FAF1: variants seen among roughly 807,000 people sequenced by gnomAD.
FAF1 encodes FAS-associated factor 1.
A neutral mutation model predicts 92.5 loss-of-function variants in FAF1; 25 were observed. That is an observed-to-expected ratio of 0.27 (90% CI 0.20 to 0.38). The LOEUF (loss-of-function observed/expected upper bound fraction) is 0.38, where lower values mean the gene tolerates loss of function less well. FAF1 is among the 10% of genes least tolerant of loss of function. The probability of loss-of-function intolerance (pLI) is 1.00; values close to 1 mark genes in which losing one functional copy is unlikely to be tolerated. For missense variants in FAF1, 636 were observed against 793.3 expected, an observed-to-expected ratio of 0.80 and a Z score of 2.38; for synonymous variants, 234 against 273.2, an observed-to-expected ratio of 0.86 and a Z score of 1.42.
intron 4 of FAF1, among the ~76,000 whole-genome samples, chr1:50,777,981 T>C (rs1057415560): frequency 1.3e-5 from 2 of 152,220 alleles, no homozygotes; most frequent in East Asian, 3.8e-4. Context: ...AGAATGTTTA[T>C]GTATGCCAAA....
rs150367789 is a variant in FAF1, at chr1:50,486,702, C to T, written c.1653+3886G>A. Among the ~76,000 whole-genome samples the T allele has an allele frequency of 2.6e-5, 4 of 152,232 alleles. No individual in the cohort carries two copies. The East Asian group carries it at 7.7e-4, about 29-fold the overall frequency. ...CCCTCTTGCATTAGACAGTAAGCTC[C>T]TTGAGGGCTGGACTATGCCTCGCAC... On this transcript the variant is annotated intron_variant, in intron 17 of 18. Coordinates refer to ENST00000396153, the MANE Select transcript of FAF1 (RefSeq NM_007051.3).
chr1:50,738,686 G>A (rs548121732), intron 6 of FAF1, among the ~76,000 whole-genome samples, 177 bp downstream of exon 6: 3 of 152,230 alleles, frequency 2.0e-5, no homozygotes, highest in African/African-American at 4.8e-5. Flanking sequence ...GGACTATACC[G>A]TTAAAACAAA....
intron 6 of FAF1, among the ~76,000 whole-genome samples, chr1:50,717,040 C>T (rs939417995): frequency 6.6e-6 from 1 of 152,324 alleles, no homozygotes; most frequent in African/African-American, 2.4e-5. Context: ...ATTCCGTACA[C>T]ATCTGAAGGA....
At chr1:50,773,132 T>A (rs1358523335) in intron 4 of FAF1, among the ~76,000 whole-genome samples, 1 of 152,200 alleles carries the variant, frequency 6.6e-6, no homozygotes, top group East Asian at 1.9e-4. Context: ...ATTATAAATA[T>A]GTGAGTATTT....
chr1:50,806,060 C>T (rs941973220), intron 2 of FAF1, among the ~76,000 whole-genome samples: 4 of 151,682 alleles, frequency 2.6e-5, no homozygotes, highest in African/African-American at 9.7e-5. Context: ...TTGAAAGATA[C>T]CATTAAGAAA....
intron 3 of FAF1, among the ~76,000 whole-genome samples, chr1:50,795,147 G>T (rs557914564): frequency 6.6e-6 from 1 of 152,262 alleles, no homozygotes; most frequent in Admixed American, 6.5e-5. Context: ...CACCAAGGCT[G>T]CATCTAGCTA....
intron 13 of FAF1, among the ~76,000 whole-genome samples, chr1:50,561,828 C>T (rs1044603595): frequency 5.5e-5 from 8 of 145,154 alleles, no homozygotes; most frequent in African/African-American, 1.0e-4. Flanking sequence ...CCATCTAGGA[C>T]AGACGGATGG....
chr1:50,537,109 T>C (rs955486089), intron 14 of FAF1, among the ~76,000 whole-genome samples: 1 of 152,152 alleles, frequency 6.6e-6, no homozygotes, highest in African/African-American at 2.4e-5. Context: ...GATTTTATTA[T>C]TGGGCAAGTC....
intron 2 of FAF1, among the ~76,000 whole-genome samples, chr1:50,822,388 T>G (rs1459378205): frequency 6.6e-6 from 1 of 152,058 alleles, no homozygotes; most frequent in Non-Finnish European, 1.5e-5. Context: ...CATCTATGAG[T>G]GAAAACCAAA....
chr1:50,851,756 A>G (rs941366574), intron 2 of FAF1, among the ~76,000 whole-genome samples: 1 of 152,230 alleles, frequency 6.6e-6, no homozygotes, highest in Non-Finnish European at 1.5e-5. Flanking sequence ...TACAACAGGT[A>G]GAGCAAGATC....
chr1:50,535,171 C>T (rs867810022), intron 15 of FAF1, among the ~76,000 whole-genome samples, 198 bp downstream of exon 15: 22 of 152,066 alleles, frequency 1.4e-4, no homozygotes, highest in African/African-American at 5.3e-4. Flanking sequence ...TAAATTAAAA[C>T]AAATTATTGG....
chr1:50,678,776 CAAAAAAAAAAAAAA>C (rs58946586), intron 7 of FAF1, among the ~76,000 whole-genome samples: 19 of 13,938 alleles, frequency 1.4e-3, no homozygotes, highest in Middle Eastern at 0.17. Context: ...GACTCCATCT[CAAAAAAAAAAAAAA>C]AAAAAAAAAA....
intron 1 of FAF1, among the ~76,000 whole-genome samples, chr1:50,880,982 T>G (rs1216905583): frequency 1.3e-5 from 2 of 152,088 alleles, no homozygotes; most frequent in Non-Finnish European, 2.9e-5. Context: ...ATTACCTGGA[T>G]ATATATATAT....
At chr1:50,930,291 G>A (rs1645037945) in intron 1 of FAF1, among the ~76,000 whole-genome samples, 1 of 152,144 alleles carries the variant, frequency 6.6e-6, no homozygotes, top group Non-Finnish European at 1.5e-5. Context: ...GGTGACCTCA[G>A]GAGAGTTCTT....
At position 50,885,948 on chromosome 1, in the gene FAF1, CAAAA is replaced by C. The variant is rs1298963039; in HGVS notation, c.46-27955_46-27952del. On this transcript the variant is annotated intron_variant, in intron 1 of 18. Coordinates refer to ENST00000396153, the MANE Select transcript of FAF1 (RefSeq NM_007051.3). ...AACAACTTGAAACTGTTTACATAAA[CAAAA>C]AAAAGAAGCAAAAAGAAACACTCTA... 2.0e-5 allele frequency among the ~76,000 whole-genome samples: 3 copies of C among 150,852 alleles called. No homozygotes were observed. In the East Asian group the frequency reaches 5.8e-4, roughly 29 times the overall value.
At chr1:50,787,701 G>A (rs1308563884) in intron 4 of FAF1, among the ~76,000 whole-genome samples, 1 of 152,138 alleles carries the variant, frequency 6.6e-6, no homozygotes, top group Non-Finnish European at 1.5e-5. Flanking sequence ...AGTGTGATAT[G>A]CAATGTACTT....
intron 1 of FAF1, among the ~76,000 whole-genome samples, chr1:50,897,673 T>C (rs957352682): frequency 1.3e-5 from 2 of 152,228 alleles, no homozygotes; most frequent in African/African-American, 4.8e-5. Flanking sequence ...AAATGGACTG[T>C]GGTATTGAAC....
intron 2 of FAF1, 53 bp from the exon 3 acceptor site, chr1:50,801,730 T>C: frequency 5.9e-6 from 6 of 1,016,310 alleles, no homozygotes; most frequent in Non-Finnish European, 9.4e-6. Flanking sequence ...AATGCCCAAG[T>C]GTGGTGGAGA....
intron 1 of FAF1, among the ~76,000 whole-genome samples, chr1:50,890,330 G>T (rs554865110): frequency 2.2e-4 from 33 of 152,280 alleles, no homozygotes; most frequent in African/African-American, 7.2e-4. Flanking sequence ...GCCAGTCTGT[G>T]TCTTTTAATT....
Sources: gnomAD v4.1 joint callset for allele counts (sites outside exome capture counted in the v4.1 genomes callset) on GRCh38, gnomAD v4.1.1 for gene constraint, MANE v1.5 for transcripts, NCBI Gene and HGNC (gene_info 2026-07-23, HGNC 2026-07-21) for gene names.